The following ZNF423 variants were observed in gnomAD, a reference collection of about 807,000 sequenced individuals.
ZNF423 encodes the protein zinc finger protein 423, also known as Ebf-associated zinc finger protein.
ZNF423 carries 12 observed loss-of-function variants against 95.8 expected under a neutral mutation model. The observed-to-expected ratio is 0.13, with a 90% confidence interval of 0.08 to 0.20. The LOEUF (loss-of-function observed/expected upper bound fraction) is 0.20, where lower values mean the gene tolerates loss of function less well. Among genes scored for constraint, ZNF423 ranks in the 10% least tolerant of loss-of-function variants. The pLI is 1.00. For synonymous variants in ZNF423, 749 were observed against 711.9 expected (o/e 1.05, Z -0.83); for missense variants, 1,316 against 1,737.1 (o/e 0.76, Z 4.31).
At chr16:49,656,343 T>A (rs1044375740) in intron 3 of ZNF423, among the ~76,000 whole-genome samples, 1 of 151,966 alleles carries the variant, frequency 6.6e-6, no homozygotes, top group Admixed American at 6.6e-5. Flanking sequence ...AAACCCCGTC[T>A]CTACTAAAAT....
Position 49,637,170 on chromosome 16 carries a change from T to G in ZNF423, c.2006A>C (p.Lys669Thr), listed in dbSNP as rs145272522. 1,140 of 1,613,804 alleles carry G rather than the reference T, an allele frequency of 7.1e-4. 3 individuals are homozygous for G. Among genetic ancestry groups the G allele is most frequent in the Non-Finnish European group, 8.4e-4 (993 of 1,180,022 alleles). The change falls in exon 4 of 8, where the codon AAG becomes ACG. Residue 669 changes from lysine (K) to threonine (T), a missense_variant. Physicochemically the swap from Lys to Thr is moderately conservative, Grantham distance 78. Coordinates refer to ENST00000563137, the MANE Select transcript of ZNF423 (RefSeq NM_001379286.1). This position sits in a 1 kb window ranked among gnomAD's most constrained non-coding sequence, Gnocchi z 5.6. ...LKLHLELLLR[K>T]QACPQCKEDF... ...CTCTTTGCACTGGGGGCACGCTTGC[T>G]TCCGCAGCAGCAGCTCCAGGTGCAG...
chr16:49,521,538 T>C (rs1968395922), intron 7 of ZNF423, among the ~76,000 whole-genome samples: 1 of 152,166 alleles, frequency 6.6e-6, no homozygotes, highest in Non-Finnish European at 1.5e-5. Flanking sequence ...CACAGAGACA[T>C]CAGCTCAGTT....
intron 1 of ZNF423, among the ~76,000 whole-genome samples, chr16:49,814,749 A>T (rs772551465): frequency 1.7e-4 from 26 of 150,806 alleles, no homozygotes; most frequent in Non-Finnish European, 3.7e-4. Context: ...CTAGCACCCC[A>T]TTTATCTACC....
Position 49,637,813 on chromosome 16 carries a change from G to A in ZNF423, c.1363C>T (p.Leu455=), listed in dbSNP as rs1446437246. 1.2e-6 allele frequency: 2 copies of A among 1,614,064 alleles called. No individual in the cohort carries two copies. Among genetic ancestry groups the A allele is most frequent in the Non-Finnish European group, 1.7e-6 (2 of 1,180,040 alleles). Reference sequence around the variant, plus strand: ...TTGTAGAGGGTGGGCATGGAGTCCAGGCAGATCTGACATGTGTGGCTCTGC... The same window carrying A: ...TTGTAGAGGGTGGGCATGGAGTCCAAGCAGATCTGACATGTGTGGCTCTGC... The part of the protein sequence containing the change: ...PQQSHTCQIC[L]DSMPTLYNLN... The change falls in exon 4 of 8, where the codon CTG becomes TTG. Residue 455 remains leucine, a synonymous_variant. Coordinates refer to ENST00000563137, the MANE Select transcript of ZNF423 (RefSeq NM_001379286.1). This position sits in a 1 kb window ranked among gnomAD's most constrained non-coding sequence, Gnocchi z 5.6.
At chr16:49,822,779 A>G in intron 1 of ZNF423, 1 of 1,516,708 alleles carries the variant, frequency 6.6e-7, no homozygotes, top group Admixed American at 1.8e-5. Flanking sequence ...CAGGCTAGTA[A>G]GCATGTGCAA....
intron 2 of ZNF423, among the ~76,000 whole-genome samples, chr16:49,731,894 C>A (rs2033178243): frequency 6.6e-6 from 1 of 152,196 alleles, no homozygotes. Context: ...TCACTGATTT[C>A]TTTAAAATAA....
intron 3 of ZNF423, among the ~76,000 whole-genome samples, chr16:49,707,765 C>T (rs2032402712): frequency 6.6e-6 from 1 of 152,030 alleles, no homozygotes; most frequent in Non-Finnish European, 1.5e-5. Context: ...AATACTAGTG[C>T]CCTAAGCACT....
intron 5 of ZNF423, among the ~76,000 whole-genome samples, chr16:49,582,949 G>A (rs182323237): frequency 8.7e-4 from 133 of 152,258 alleles, no homozygotes; most frequent in African/African-American, 3.1e-3. Flanking sequence ...TGAATATCTT[G>A]CTGACATCAC....
At chr16:49,663,616 G>A (rs989595123) in intron 3 of ZNF423, among the ~76,000 whole-genome samples, 5 of 152,198 alleles carry the variant, frequency 3.3e-5, no homozygotes, top group African/African-American at 7.2e-5. Flanking sequence ...ACAGACATGA[G>A]GCTTCAGGAG....
At chr16:49,495,217 A>G (rs550463816) in intron 7 of ZNF423, among the ~76,000 whole-genome samples, 1 of 152,276 alleles carries the variant, frequency 6.6e-6, no homozygotes, top group East Asian at 1.9e-4. Context: ...TGCAGCCTCA[A>G]TCCATCCACT....
intron 5 of ZNF423, among the ~76,000 whole-genome samples, chr16:49,614,555 T>C (rs1971816125): frequency 6.6e-6 from 1 of 152,276 alleles, no homozygotes; most frequent in South Asian, 2.1e-4. Context: ...CCAAGGATTA[T>C]GGGTAGGAGG....
intron 5 of ZNF423, among the ~76,000 whole-genome samples, chr16:49,574,464 C>T (rs1441838002): frequency 6.6e-6 from 1 of 152,232 alleles, no homozygotes; most frequent in African/African-American, 2.4e-5. Context: ...GCATTTCTAG[C>T]AAGCTCTCAG....
chr16:49,761,047 T>C (rs1209288656), intron 2 of ZNF423, among the ~76,000 whole-genome samples: 1 of 110,238 alleles, frequency 9.1e-6, no homozygotes, highest in African/African-American at 4.5e-5. Context: ...TGCACACACA[T>C]ACATGCACAC....
At chr16:49,716,448 A>G (rs2032709129) in intron 3 of ZNF423, among the ~76,000 whole-genome samples, 1 of 152,130 alleles carries the variant, frequency 6.6e-6, no homozygotes, top group Non-Finnish European at 1.5e-5. Context: ...CGCCTGCCTC[A>G]GTCTTCCCAC....
At chr16:49,702,145 C>G (rs543510078) in intron 3 of ZNF423, among the ~76,000 whole-genome samples, 2 of 152,316 alleles carry the variant, frequency 1.3e-5, no homozygotes, top group Admixed American at 1.3e-4. Context: ...GGAGTCATTA[C>G]TCCCACTGGA....
At position 49,855,313 on chromosome 16, in the gene ZNF423, C is replaced by T. The variant is rs898569790; in HGVS notation, c.40+422G>A. On this transcript the variant is annotated intron_variant, in intron 1 of 7. Transcript: ENST00000563137. The surrounding 1 kb of genome is among the most constrained non-coding windows in gnomAD (Gnocchi z 4.7). Reference sequence around the variant, plus strand: ...GGGCGCCCGTCCTCGCCGCCTCTTCCTTCCTCCTGTCGCCCGCCCGCCGCC... The same window carrying T: ...GGGCGCCCGTCCTCGCCGCCTCTTCTTTCCTCCTGTCGCCCGCCCGCCGCC... Among the ~76,000 whole-genome samples the T allele has an allele frequency of 1.6e-3, 247 of 151,676 alleles. No individual in the cohort carries two copies. Among genetic ancestry groups the T allele is most frequent in the African/African-American group, 5.7e-3 (238 of 41,454 alleles).
At chr16:49,614,368 C>A (rs1404398751) in intron 5 of ZNF423, among the ~76,000 whole-genome samples, 3 of 147,330 alleles carry the variant, frequency 2.0e-5, no homozygotes, top group Non-Finnish European at 4.4e-5. Context: ...AATGGCACAG[C>A]CACTGTGGAA....
At chr16:49,677,753 CAA>C (rs776853564) in intron 3 of ZNF423, among the ~76,000 whole-genome samples, 46 of 84,662 alleles carry the variant, frequency 5.4e-4, no homozygotes, top group Admixed American at 5.6e-4. Context: ...GACCCTGTCT[CAA>C]AAAAAAAAAA....
chr16:49,641,597 CT>C (rs1271167981), intron 3 of ZNF423, among the ~76,000 whole-genome samples: 2 of 152,208 alleles, frequency 1.3e-5, no homozygotes, highest in African/African-American at 4.8e-5. Flanking sequence ...GCTCCTAAAC[CT>C]TTCACACCAC....
Sources: gnomAD v4.1 joint callset for allele counts (sites outside exome capture counted in the v4.1 genomes callset) on GRCh38, gnomAD v4.1.1 for gene constraint, Gnocchi (gnomAD v3.1) non-coding constraint, MANE v1.5 for transcripts, NCBI Gene and HGNC (gene_info 2026-07-23, HGNC 2026-07-21) for gene names.